Variants in XYLT1 observed in about 807,000 individuals in gnomAD.
The protein encoded by XYLT1 is xylosyltransferase 1.
XYLT1 carries 36 observed loss-of-function variants against 91.3 expected under a neutral mutation model. The observed-to-expected ratio is 0.39, with a 90% CI of 0.30 to 0.52. XYLT1 has a LOEUF of 0.52. Ranked by LOEUF, XYLT1 falls within the 20% of genes least tolerant of loss-of-function variation. The probability of loss-of-function intolerance (pLI) is 0.68; values close to 1 mark genes in which losing one functional copy is unlikely to be tolerated. For missense variants in XYLT1, 1,242 were observed against 1,284.5 expected (o/e 0.97, Z 0.51); for synonymous variants, 588 against 532.0 (o/e 1.11, Z -1.45).
At chr16:17,220,848 G>C (rs2032954790) in intron 3 of XYLT1, among the ~76,000 whole-genome samples, 1 of 152,194 alleles carries the variant, frequency 6.6e-6, no homozygotes, top group Non-Finnish European at 1.5e-5. Flanking sequence ...CTCCAACTAT[G>C]ACTGAGATCT....
intron 2 of XYLT1, among the ~76,000 whole-genome samples, chr16:17,330,944 C>CA (rs1345822395): frequency 6.6e-6 from 1 of 152,170 alleles, no homozygotes; most frequent in Non-Finnish European, 1.5e-5. Flanking sequence ...AGATGAGGTT[C>CA]TACCTTTGAA....
At chr16:17,194,983 T>C (rs556425310) in intron 5 of XYLT1, among the ~76,000 whole-genome samples, 1 of 152,376 alleles carries the variant, frequency 6.6e-6, no homozygotes, top group East Asian at 1.9e-4. Context: ...CATTCTTTTA[T>C]TATACTCTAT....
chr16:17,283,233 T>C lies in XYLT1; in HGVS notation c.403-23735A>G, dbSNP rs1596464611. ...GCAGATGGAGCCCAGGCAGCAGATGTTAATACAGTTTGCTTTTTCCATATG... is the reference window on the plus strand; with the variant it reads ...GCAGATGGAGCCCAGGCAGCAGATGCTAATACAGTTTGCTTTTTCCATATG... On this transcript the variant is annotated intron_variant, in intron 2 of 11. Transcript: ENST00000261381. 2.6e-5 allele frequency among the ~76,000 whole-genome samples: 4 copies of C among 152,278 alleles called. No homozygotes were observed. The South Asian group carries it at 8.3e-4, about 32-fold the overall frequency.
chr16:17,295,893 G>T (rs943627272), intron 2 of XYLT1, among the ~76,000 whole-genome samples: 3 of 152,180 alleles, frequency 2.0e-5, no homozygotes, highest in Non-Finnish European at 2.9e-5. Context: ...TCTGGCTTTT[G>T]CTCTGAATGA....
chr16:17,424,867 C>CAAAA (rs57342754), intron 1 of XYLT1, among the ~76,000 whole-genome samples: 2 of 76,152 alleles, frequency 2.6e-5, no homozygotes, highest in Non-Finnish European at 5.1e-5. Flanking sequence ...GACTCCATCT[C>CAAAA]AAAAAAAAAA....
chr16:17,279,283 G>A (rs2034022435), intron 2 of XYLT1, among the ~76,000 whole-genome samples: 1 of 152,218 alleles, frequency 6.6e-6, no homozygotes, highest in Non-Finnish European at 1.5e-5. Flanking sequence ...TCATGGAGTT[G>A]AAATGAGAAT....
intron 1 of XYLT1, among the ~76,000 whole-genome samples, chr16:17,444,631 ACAC>A (rs2036571606): frequency 6.6e-6 from 1 of 151,886 alleles, no homozygotes; most frequent in Admixed American, 6.6e-5. Context: ...CAGGCACAAG[ACAC>A]CATGCCCAGC....
chr16:17,304,633 C>T (rs1181668718), intron 2 of XYLT1, among the ~76,000 whole-genome samples: 1 of 152,136 alleles, frequency 6.6e-6, no homozygotes, highest in Non-Finnish European at 1.5e-5. Flanking sequence ...ATGTCAACAA[C>T]CTGGTAAATC....
chr16:17,405,932 C>T (rs1301255697), intron 1 of XYLT1, among the ~76,000 whole-genome samples: 1 of 152,182 alleles, frequency 6.6e-6, no homozygotes, highest in East Asian at 1.9e-4. Flanking sequence ...CGCCTGAAAT[C>T]CCAGCACTTT....
At chr16:17,257,735 TGGGAGAG>T (rs1163734409) in intron 3 of XYLT1, among the ~76,000 whole-genome samples, 1 of 152,112 alleles carries the variant, frequency 6.6e-6, no homozygotes, top group East Asian at 1.9e-4. Context: ...CATGTGACCT[TGGGAGAG>T]GGATTTTACA....
chr16:17,111,612 G>A (rs1440516041), intron 11 of XYLT1, among the ~76,000 whole-genome samples: 2 of 152,222 alleles, frequency 1.3e-5, no homozygotes, highest in Non-Finnish European at 2.9e-5. Context: ...CAAGAAGAAG[G>A]AAGAAAGACC....
chr16:17,175,755 TC>T (rs2031929102), intron 5 of XYLT1, among the ~76,000 whole-genome samples: 2 of 152,182 alleles, frequency 1.3e-5, no homozygotes, highest in Admixed American at 1.3e-4. Context: ...TATGTGAATG[TC>T]CCTCTGGCCT....
intron 2 of XYLT1, among the ~76,000 whole-genome samples, chr16:17,267,410 T>TTTTG (rs953403578): frequency 2.0e-5 from 3 of 151,970 alleles, no homozygotes; most frequent in Non-Finnish European, 4.4e-5. Context: ...AGTCTGAGTC[T>TTTTG]TTTGTTTGTT....
At chr16:17,212,933 A>G (rs2032787606) in intron 3 of XYLT1, among the ~76,000 whole-genome samples, 1 of 152,188 alleles carries the variant, frequency 6.6e-6, no homozygotes, top group South Asian at 2.1e-4. Flanking sequence ...TTTTCTGTGC[A>G]TCAAGGATGA....
At chr16:17,328,758 T>C (rs753562260) in intron 2 of XYLT1, among the ~76,000 whole-genome samples, 4 of 152,030 alleles carry the variant, frequency 2.6e-5, no homozygotes. Flanking sequence ...GTGCTTGAAA[T>C]GATGGCTGGA....
chr16:17,323,523 G>A (rs1266486366), intron 2 of XYLT1, among the ~76,000 whole-genome samples: 1 of 152,132 alleles, frequency 6.6e-6, no homozygotes, highest in Non-Finnish European at 1.5e-5. Context: ...ACTTAAAAGG[G>A]CTTTTAACTG....
chr16:17,232,603 AGGTGATG>A (rs1196927967), intron 3 of XYLT1, among the ~76,000 whole-genome samples: 1 of 151,416 alleles, frequency 6.6e-6, no homozygotes, highest in Non-Finnish European at 1.5e-5. Context: ...ATGGTGGTGG[AGGTGATG>A]GTGATAGCTG....
At chr16:17,343,502 G>A (rs2035095468) in intron 2 of XYLT1, among the ~76,000 whole-genome samples, 1 of 152,088 alleles carries the variant, frequency 6.6e-6, no homozygotes, top group African/African-American at 2.4e-5. Flanking sequence ...ACAGGATCTC[G>A]CTCTATCACC....
intron 1 of XYLT1, among the ~76,000 whole-genome samples, chr16:17,392,017 C>T (rs2035826333): frequency 6.6e-6 from 1 of 152,184 alleles, no homozygotes; most frequent in Admixed American, 6.5e-5. Flanking sequence ...TACCCAGTCT[C>T]AATGTCTTTA....
Sources: gnomAD v4.1 joint callset for allele counts (sites outside exome capture counted in the v4.1 genomes callset) on GRCh38, gnomAD v4.1.1 for gene constraint, MANE v1.5 for transcripts, NCBI Gene and HGNC (gene_info 2026-07-23, HGNC 2026-07-21) for gene names.